Variants in PCDH15 observed in about 807,000 individuals in gnomAD.
PCDH15 encodes the protein protocadherin related 15.
A neutral mutation model predicts 178.5 loss-of-function variants in PCDH15; 129 were observed. The observed-to-expected ratio is 0.72, with a 90% CI of 0.63 to 0.84. PCDH15 has a LOEUF of 0.84. PCDH15 is among the 40% of genes least tolerant of loss of function. PCDH15 has a pLI of 0.00. For missense variants in PCDH15, 2,230 were observed against 2,099.9 expected (o/e 1.06, Z -1.21); for synonymous variants, 800 against 732.0 (o/e 1.09, Z -1.50).
intron 3 of PCDH15, among the ~76,000 whole-genome samples, chr10:54,431,913 G>A (rs1957011318): frequency 6.6e-6 from 1 of 151,844 alleles, no homozygotes; most frequent in Admixed American, 6.6e-5. Context: ...GAAAGTTGCA[G>A]GATACAAAAT....
chr10:54,506,405 T>A (rs12772330), intron 3 of PCDH15, among the ~76,000 whole-genome samples: 27,371 of 151,806 alleles, frequency 0.18, 2,734 homozygotes, highest in East Asian at 0.31. Context: ...AATTTTAGAG[T>A]TTTTGAGATG....
At chr10:55,608,666 G>GTGC (rs1228659960) in intron 2 of PCDH15, among the ~76,000 whole-genome samples, 1 of 151,884 alleles carries the variant, frequency 6.6e-6, no homozygotes, top group Non-Finnish European at 1.5e-5. Flanking sequence ...CTTTAATCAG[G>GTGC]TGCTGCAGCC....
rs201115174 is a variant in PCDH15, at chr10:53,889,090, G to A, written c.3501+14153C>T. On this transcript the variant is annotated intron_variant, in intron 26 of 37. Transcript: ENST00000644397. ...CACACAAAAAAATCCCATATGGACT[G>A]TAAATCTAAACATAAAATATGAAAT... 2.0e-5 allele frequency among the ~76,000 whole-genome samples: 3 copies of A among 151,304 alleles called. No homozygotes were observed. In the East Asian group the frequency reaches 5.8e-4, roughly 29 times the overall value.
Position 53,879,100 on chromosome 10 carries a change from C to A in PCDH15, c.3502-12243G>T, listed in dbSNP as rs544510724. 7.3e-5 allele frequency among the ~76,000 whole-genome samples: 11 copies of A among 150,162 alleles called. No homozygotes were observed. In the East Asian group the frequency reaches 2.2e-3, roughly 29 times the overall value. On this transcript the variant is annotated intron_variant, in intron 26 of 37. Transcript: ENST00000644397. ...ATCTTCCTGATCTCTTCTATTTGTT[C>A]TTTTTTTTTTTAAATCACTTTTTGT...
In PCDH15 at chr10:55,386,135, A is replaced by G. The variant is rs73255777; in HGVS notation, c.-155-219484T>C. On this transcript the variant is annotated intron_variant, in intron 2 of 5. Transcript: ENST00000613346. ...AATAAAAGAAACACACTAACTACAC[A>G]AGATATGTATAATTTACCTAGACTC... Among the ~76,000 whole-genome samples the G allele has an allele frequency of 5.2e-3, 790 of 152,096 alleles. 9 individuals carry two copies. The highest frequency in any genetic ancestry group is 0.018 in the African/African-American group (748 of 41,546).
chr10:54,363,591 T>C (rs1435265989), intron 5 of PCDH15, among the ~76,000 whole-genome samples: 1 of 152,210 alleles, frequency 6.6e-6, no homozygotes, highest in Non-Finnish European at 1.5e-5. Context: ...ATTTTTGATA[T>C]ACACATGCTC....
chr10:53,992,304 T>G (rs2091567461), intron 21 of PCDH15, among the ~76,000 whole-genome samples: 1 of 152,174 alleles, frequency 6.6e-6, no homozygotes, highest in African/African-American at 2.4e-5. Context: ...CACACCATCT[T>G]TAAGAACTGT....
intron 9 of PCDH15, among the ~76,000 whole-genome samples, chr10:54,227,026 C>T (rs7910192): frequency 0.043 from 6,614 of 152,048 alleles, 472 homozygotes; most frequent in African/African-American, 0.15. Context: ...GGGCTGGGGT[C>T]GGGTGTCTGT....
intron 2 of PCDH15, among the ~76,000 whole-genome samples, chr10:55,082,061 C>T (rs958148581): frequency 2.0e-5 from 3 of 152,116 alleles, no homozygotes; most frequent in African/African-American, 7.2e-5. Flanking sequence ...TTAATCTGCG[C>T]TATAGACCAA....
intron 13 of PCDH15, among the ~76,000 whole-genome samples, chr10:54,162,221 GA>G (rs2133455005): frequency 6.6e-6 from 1 of 151,780 alleles, no homozygotes; most frequent in Non-Finnish European, 1.5e-5. Flanking sequence ...ACAAAGTTTA[GA>G]TCTTGATTAT....
intron 2 of PCDH15, among the ~76,000 whole-genome samples, chr10:54,638,051 G>A (rs904052199): frequency 2.6e-5 from 4 of 151,836 alleles, no homozygotes; most frequent in African/African-American, 7.3e-5. Context: ...GACAGACACC[G>A]TGATTTTCTC....
At chr10:54,573,484 G>A (rs571547809) in intron 2 of PCDH15, among the ~76,000 whole-genome samples, 1 of 152,256 alleles carries the variant, frequency 6.6e-6, no homozygotes, top group Admixed American at 6.5e-5. Flanking sequence ...ATCTAATAAT[G>A]CATGCATTTT....
chr10:55,003,149 A>G (rs1034372101), intron 2 of PCDH15, among the ~76,000 whole-genome samples: 6 of 152,236 alleles, frequency 3.9e-5, no homozygotes, highest in African/African-American at 9.6e-5. Flanking sequence ...TTATTGTCAA[A>G]TGTGTCTGTC....
chr10:54,332,245 T>TATAATCTATATATTATTATATATAATATA (rs1564988573), intron 6 of PCDH15, among the ~76,000 whole-genome samples: 2 of 24,516 alleles, frequency 8.2e-5, no homozygotes, highest in African/African-American at 3.3e-4. Flanking sequence ...ATATAATATA[T>TATAATCTATATATTATTATATATAATATA]ATATAATCTA....
intron 2 of PCDH15, among the ~76,000 whole-genome samples, chr10:55,586,962 C>T (rs1842737639): frequency 6.6e-6 from 1 of 152,050 alleles, no homozygotes; most frequent in African/African-American, 2.4e-5. Context: ...CAAATAAAAT[C>T]AGAATCTAAA....
Position 54,020,152 on chromosome 10 carries a change from A to C in PCDH15, c.2751+40T>G, listed in dbSNP as rs200037851. 863 of 1,559,064 alleles carry C rather than the reference A, an allele frequency of 5.5e-4. 3 individuals are homozygous for C. The highest frequency in any genetic ancestry group is 2.0e-4 in the Non-Finnish European group (221 of 1,130,812). On this transcript the variant is annotated intron_variant, in intron 20 of 37. Coordinates refer to ENST00000644397, the MANE Select transcript of PCDH15 (RefSeq NM_001384140.1). ...GAAGGAACAAAACCTACATGTAGAG[A>C]GAGCAAAGCAGGCAACCAGAAGTCA...
chr10:55,378,065 G>A (rs1837442229), intron 2 of PCDH15, among the ~76,000 whole-genome samples: 1 of 152,042 alleles, frequency 6.6e-6, no homozygotes, highest in Non-Finnish European at 1.5e-5. Flanking sequence ...TGAGGGTTAG[G>A]GTGCTACGGG....
At chr10:55,108,079 G>A (rs1460552311) in intron 2 of PCDH15, among the ~76,000 whole-genome samples, 3 of 152,148 alleles carry the variant, frequency 2.0e-5, no homozygotes, top group East Asian at 1.9e-4. Flanking sequence ...AACACCAGGT[G>A]AGGACAAAGT....
At chr10:54,291,294 T>C (rs1299268268) in intron 8 of PCDH15, among the ~76,000 whole-genome samples, 1 of 152,034 alleles carries the variant, frequency 6.6e-6, no homozygotes, top group East Asian at 1.9e-4. Context: ...GACACAACAT[T>C]CCAGAATCTC....
Sources: gnomAD v4.1 joint callset for allele counts (sites outside exome capture counted in the v4.1 genomes callset) on GRCh38, gnomAD v4.1.1 for gene constraint, MANE v1.5 for transcripts, NCBI Gene and HGNC (gene_info 2026-07-23, HGNC 2026-07-21) for gene names.